PITPNM2: variants seen among roughly 807,000 people sequenced by gnomAD.
PITPNM2 encodes membrane-associated phosphatidylinositol transfer protein 2.
PITPNM2 carries 35 observed loss-of-function variants against 132.2 expected under a neutral mutation model. The observed-to-expected ratio is 0.26, with a 90% confidence interval of 0.20 to 0.35. PITPNM2 has a LOEUF of 0.35. PITPNM2 is among the 10% of genes least tolerant of loss of function. The pLI, the probability that PITPNM2 is intolerant of heterozygous loss-of-function variation, is 1.00. For synonymous variants in PITPNM2, 738 were observed against 799.2 expected (o/e 0.92, Z 1.29); for missense variants, 1,332 against 1,912.0 (o/e 0.70, Z 5.66).
chr12:123,142,759 C>T (rs1260723837), intron 1 of PITPNM2, among the ~76,000 whole-genome samples: 1 of 152,182 alleles, frequency 6.6e-6, no homozygotes, highest in Non-Finnish European at 1.5e-5. Flanking sequence ...TTGAATGTTC[C>T]CCCTGCTCCG....
In PITPNM2 at chr12:123,128,527, G is replaced by A. The variant is rs1260416563; in HGVS notation, c.-199-18039C>T. On this transcript the variant is annotated intron_variant, in intron 1 of 25. Transcript: ENST00000320201. The stretch of plus-strand genomic sequence containing the variant: ...TCAGCACTTTGGGAGGCTGAGGGGG[G>A]CAAATCACAAGGTCAGAAGATCGAG... 3.3e-5 allele frequency among the ~76,000 whole-genome samples: 5 copies of A among 150,860 alleles called. 1 individual carries two copies. In the East Asian group the frequency reaches 9.7e-4, roughly 29 times the overall value.
intron 2 of PITPNM2, among the ~76,000 whole-genome samples, chr12:123,044,733 T>G (rs942207693): frequency 6.6e-6 from 1 of 152,194 alleles, no homozygotes; most frequent in African/African-American, 2.4e-5. Flanking sequence ...CTTCACTATT[T>G]CCCACTCCTG....
At chr12:123,017,335 G>A (rs910109277) in intron 3 of PITPNM2, among the ~76,000 whole-genome samples, 1 of 150,716 alleles carries the variant, frequency 6.6e-6, no homozygotes, top group African/African-American at 2.4e-5. Flanking sequence ...TTGTGCCACT[G>A]CACTCTAGCC....
At chr12:123,141,011 G>T (rs1353886680) in intron 1 of PITPNM2, among the ~76,000 whole-genome samples, 2 of 151,668 alleles carry the variant, frequency 1.3e-5, no homozygotes, top group Non-Finnish European at 2.9e-5. Context: ...ACTTTGTACT[G>T]CTTAGACTCA....
In PITPNM2 at chr12:123,023,913, C is replaced by T. The variant is rs1211040251; in HGVS notation, c.79-9871G>A. 6.6e-6 allele frequency among the ~76,000 whole-genome samples: 1 copy of T among 152,060 alleles called. No homozygotes were observed. Among genetic ancestry groups the T allele is most frequent in the Non-Finnish European group, 1.5e-5 (1 of 68,026 alleles). ...TAGTAACTTATATCCAAAATATATA[C>T]AGAACTCCTCCAATGCAACAACAGA... On this transcript the variant is annotated intron_variant, in intron 3 of 25. Transcript: ENST00000320201. The surrounding 1 kb of genome is among the most constrained non-coding windows in gnomAD (Gnocchi z 4.8).
Position 123,040,085 on chromosome 12 carries a change from G to A in PITPNM2, c.-95-5400C>T, listed in dbSNP as rs913656904. ...GTGGAGGTTGCAGTGAGCCAAGATCGTGCCACTGCACTCCAGCCTGGGCAA... is the reference window on the plus strand; with the variant it reads ...GTGGAGGTTGCAGTGAGCCAAGATCATGCCACTGCACTCCAGCCTGGGCAA... On this transcript the variant is annotated intron_variant, in intron 2 of 25. Coordinates refer to ENST00000320201, the MANE Select transcript of PITPNM2 (RefSeq NM_020845.3). 5.9e-5 allele frequency among the ~76,000 whole-genome samples: 9 copies of A among 152,124 alleles called. No homozygotes were observed. The East Asian group carries it at 9.6e-4, about 16-fold the overall frequency.
chr12:123,147,412 T>C (rs1265187338), intron 1 of PITPNM2, among the ~76,000 whole-genome samples: 1 of 152,128 alleles, frequency 6.6e-6, no homozygotes, highest in Admixed American at 6.6e-5. Flanking sequence ...ACTCCTAGGC[T>C]AAAGGGATCC....
At chr12:123,118,893 G>A (rs886666080) in intron 1 of PITPNM2, among the ~76,000 whole-genome samples, 8 of 152,160 alleles carry the variant, frequency 5.3e-5, no homozygotes, top group Admixed American at 2.0e-4. Flanking sequence ...AAGTATTGTC[G>A]AACACATGGC....
intron 14 of PITPNM2, among the ~76,000 whole-genome samples, 172 bp downstream of exon 14, chr12:122,995,217 G>T (rs570205217): frequency 6.6e-6 from 1 of 152,186 alleles, no homozygotes; most frequent in African/African-American, 2.4e-5. Context: ...ATGAGACAAG[G>T]CATCCAGTAA....
Position 123,005,641 on chromosome 12 carries a change from G to T in PITPNM2, c.644-93C>A. On this transcript the variant is annotated intron_variant, in intron 6 of 25. Coordinates refer to ENST00000320201, the MANE Select transcript of PITPNM2 (RefSeq NM_020845.3). This position sits in a 1 kb window ranked among gnomAD's most constrained non-coding sequence, Gnocchi z 6.2. Reference sequence around the variant, plus strand: ...AGTGTGGGGCCCAGGCAGGGGCTTTGGGAGGCTGTACCCATGTTGCAGGTC... The same window carrying T: ...AGTGTGGGGCCCAGGCAGGGGCTTTTGGAGGCTGTACCCATGTTGCAGGTC... The T allele has an allele frequency of 1.5e-6, 2 of 1,298,804 alleles. No homozygotes were observed. Among genetic ancestry groups the T allele is most frequent in the Non-Finnish European group, 2.1e-6 (2 of 937,030 alleles). 80.5% of individuals were successfully genotyped at this position (1,298,804 alleles called of 1,614,324 possible).
In PITPNM2 at chr12:123,078,630, G is replaced by A. The variant is rs2136980649; in HGVS notation, c.-96+31755C>T. On this transcript the variant is annotated intron_variant, in intron 2 of 25. Coordinates refer to ENST00000320201, the MANE Select transcript of PITPNM2 (RefSeq NM_020845.3). The surrounding 1 kb of genome is among the most constrained non-coding windows in gnomAD (Gnocchi z 7.3). Reference sequence around the variant, plus strand: ...CTGAGTCACATCTTCCCACCCTCAGGGATAAGGGGATACCCACCTATGGAA... The same window carrying A: ...CTGAGTCACATCTTCCCACCCTCAGAGATAAGGGGATACCCACCTATGGAA... 6.6e-6 allele frequency among the ~76,000 whole-genome samples: 1 copy of A among 152,324 alleles called. No individual in the cohort carries two copies. Among genetic ancestry groups the A allele is most frequent in the East Asian group, 1.9e-4 (1 of 5,188 alleles).
rs2038382983 is a variant in PITPNM2, at chr12:122,995,458, G to A, written c.1985C>T (p.Pro662Leu). The change falls in exon 14 of 26, where the codon CCC becomes CTC. Residue 662 changes from proline (P) to leucine (L), a missense_variant. Coordinates refer to ENST00000320201, the MANE Select transcript of PITPNM2 (RefSeq NM_020845.3). ...GGTGGATGAGTCGCTCCTCTTGCGG[G>A]GCAGTTGCCTTTTGGGGTCCTCAGT... is the stretch of plus-strand genomic sequence containing the variant. ...NGTEDPKRQL[P>L]RKRSDSSTYE... is the part of the protein sequence containing the mutation. 1 of 1,613,976 alleles carries A rather than the reference G, an allele frequency of 6.2e-7. No homozygotes were observed. The highest frequency in any genetic ancestry group is 1.3e-5 in the African/African-American group (1 of 75,064).
chr12:123,041,805 G>T (rs1267547265), intron 2 of PITPNM2, among the ~76,000 whole-genome samples: 1 of 152,096 alleles, frequency 6.6e-6, no homozygotes, highest in African/African-American at 2.4e-5. Flanking sequence ...CTGGGTGGTC[G>T]CCCACATGCA....
At chr12:123,047,108 A>C (rs1461002602) in intron 2 of PITPNM2, among the ~76,000 whole-genome samples, 3 of 152,228 alleles carry the variant, frequency 2.0e-5, no homozygotes, top group African/African-American at 4.8e-5. Context: ...AAGAAATGAA[A>C]GCCCCCAAAA....
At position 123,082,041 on chromosome 12, in the gene PITPNM2, C is replaced by G. The variant is rs899007382; in HGVS notation, c.-96+28344G>C. On this transcript the variant is annotated intron_variant, in intron 2 of 25. Coordinates refer to ENST00000320201, the MANE Select transcript of PITPNM2 (RefSeq NM_020845.3). The surrounding 1 kb of genome is among the most constrained non-coding windows in gnomAD (Gnocchi z 5.4). ...GCTGTAGCTGAGGATGGGCCTGTACCCCCACCCTGCAAAGCCTTCTCCTGG... is the reference window on the plus strand; with the variant it reads ...GCTGTAGCTGAGGATGGGCCTGTACGCCCACCCTGCAAAGCCTTCTCCTGG... 1 of 152,330 alleles carries G rather than the reference C, an allele frequency of 6.6e-6. No individual in the cohort carries two copies. The allele number at this position is 152,330 out of a possible 1,614,324, so 9.4% of individuals were successfully genotyped here. A position where few individuals can be genotyped will look rare whatever the true frequency, so the allele number is the denominator to read the frequency against.
intron 2 of PITPNM2, among the ~76,000 whole-genome samples, chr12:123,065,982 C>T (rs1420243636): frequency 6.6e-6 from 1 of 152,256 alleles, no homozygotes; most frequent in East Asian, 1.9e-4. Flanking sequence ...GGCAGAGACT[C>T]ACCCAAGGTC....
At chr12:123,012,831 T>C in intron 4 of PITPNM2, 97 bp from the exon 5 acceptor site, 1 of 1,501,140 alleles carries the variant, frequency 6.7e-7, no homozygotes, top group African/African-American at 1.4e-5. Flanking sequence ...GTGGAGCTGG[T>C]GAGCGGGCAT....
Position 123,026,964 on chromosome 12 carries a change from C to T in PITPNM2, c.78+7549G>A, listed in dbSNP as rs1305193129. On this transcript the variant is annotated intron_variant, in intron 3 of 25. Transcript: ENST00000320201. ...CCTTAACAAATTACACCTTCAGAGG[C>T]CCTATTTCAAAATAAGGCCACATTC... Among the ~76,000 whole-genome samples, 5 of 152,216 alleles carry T rather than the reference C, an allele frequency of 3.3e-5. No homozygotes were observed. The East Asian group carries it at 5.8e-4, about 18-fold the overall frequency.
chr12:123,103,346 G>C (rs2042612891), intron 2 of PITPNM2, among the ~76,000 whole-genome samples: 1 of 152,222 alleles, frequency 6.6e-6, no homozygotes, highest in African/African-American at 2.4e-5. Flanking sequence ...GTTCGGGCCT[G>C]ACACTCCATG....
Sources: allele counts gnomAD v4.1 joint callset (sites outside exome capture counted in the v4.1 genomes callset), GRCh38; gene constraint gnomAD v4.1.1; non-coding constraint Gnocchi (gnomAD v3.1); transcripts MANE v1.5; gene names NCBI Gene and HGNC (gene_info 2026-07-23, HGNC 2026-07-21).